Variants in PCDH7 observed in about 807,000 individuals in gnomAD.
The protein encoded by PCDH7 is protocadherin 7.
A neutral mutation model predicts 58.9 loss-of-function variants in PCDH7; 17 were observed. The ratio of observed to expected loss-of-function variants is 0.29; its 90% CI spans 0.20 to 0.43. PCDH7 has a LOEUF of 0.43. Ranked by LOEUF, PCDH7 falls within the 20% of genes least tolerant of loss-of-function variation. The pLI is 1.00. For synonymous variants in PCDH7, 664 were observed against 616.4 expected, an observed-to-expected ratio of 1.08 and a Z score of -1.14; for missense variants, 1,274 against 1,441.0, an observed-to-expected ratio of 0.88 and a Z score of 1.88.
chr4:30,794,667 G>T (rs575819105), intron 1 of PCDH7, among the ~76,000 whole-genome samples: 6 of 148,094 alleles, frequency 4.1e-5, no homozygotes, highest in South Asian at 4.4e-4. Context: ...AAATTCAAAG[G>T]CTCACTTTTT....
intron 3 of PCDH7, among the ~76,000 whole-genome samples, chr4:31,065,849 G>GA (rs541566992): frequency 8.0e-5 from 12 of 150,668 alleles, no homozygotes; most frequent in African/African-American, 1.2e-4. Flanking sequence ...TTGGAACCAG[G>GA]AAAAAAAAAT....
intron 1 of PCDH7, among the ~76,000 whole-genome samples, chr4:30,799,524 A>T (rs1725253988): frequency 6.6e-6 from 1 of 152,186 alleles, no homozygotes; most frequent in Non-Finnish European, 1.5e-5. Flanking sequence ...CATAAAATTT[A>T]TACAAAATCC....
chr4:31,037,031 A>T (rs535829184), intron 3 of PCDH7, among the ~76,000 whole-genome samples: 5 of 152,260 alleles, frequency 3.3e-5, no homozygotes, highest in African/African-American at 1.2e-4. Flanking sequence ...CGTCCCTCCC[A>T]TAGCACATGG....
rs572952088 is a variant in PCDH7 at position 31,023,985 on chromosome 4, C to T, written c.*7+73770C>T. ...ACAGCATAAAAGAAGCACTGTCAGA[C>T]GCTTTGGAGACCTTGATGTCCATTT... On this transcript the variant is annotated intron_variant, in intron 3 of 3. Coordinates refer to the PCDH7 transcript ENST00000509759. Among the ~76,000 whole-genome samples the T allele has an allele frequency of 3.3e-4, 50 of 152,236 alleles. 1 individual carries two copies. The highest frequency in any genetic ancestry group is 3.3e-4 in the Admixed American group (5 of 15,292).
chr4:30,827,015 A>G (rs1729177313), intron 1 of PCDH7, among the ~76,000 whole-genome samples: 1 of 152,126 alleles, frequency 6.6e-6, no homozygotes, highest in Admixed American at 6.6e-5. Context: ...TGCCTTTTGC[A>G]GTCAATGTGT....
intron 3 of PCDH7, among the ~76,000 whole-genome samples, chr4:30,966,210 A>G (rs1169998859): frequency 1.3e-5 from 2 of 152,208 alleles, no homozygotes; most frequent in Non-Finnish European, 2.9e-5. Flanking sequence ...TCCAATCAGC[A>G]TATATTATTG....
intron 1 of PCDH7, among the ~76,000 whole-genome samples, chr4:30,799,823 T>C (rs1170671218): frequency 6.6e-6 from 1 of 152,064 alleles, no homozygotes; most frequent in Non-Finnish European, 1.5e-5. Context: ...ATTCAAGATT[T>C]TCTCAATTCT....
intron 3 of PCDH7, among the ~76,000 whole-genome samples, chr4:31,140,396 C>T (rs1720101921): frequency 6.6e-6 from 1 of 151,724 alleles, no homozygotes; most frequent in Non-Finnish European, 1.5e-5. Flanking sequence ...ATAACAACCA[C>T]ATTCATAAAG....
chr4:30,752,783 C>CAAAAAAAAAAAAAAAAAAA (rs35860745), intron 1 of PCDH7, among the ~76,000 whole-genome samples: 15 of 99,468 alleles, frequency 1.5e-4, no homozygotes, highest in Admixed American at 3.4e-4. Flanking sequence ...CCTGTAGGGG[C>CAAAAAAAAAAAAAAAAAAA]AAAAAAAAAA....
chr4:30,884,274 C>T lies in PCDH7; in HGVS notation c.71-35879C>T, dbSNP rs554734405. Among the ~76,000 whole-genome samples, 4 of 152,108 alleles carry T rather than the reference C, an allele frequency of 2.6e-5. No individual in the cohort carries two copies. In the East Asian group the frequency reaches 7.8e-4, roughly 30 times the overall value. ...CTGATATTTTATAAACAGAAAAAAG[C>T]AGGAAGTATTTTGCACAAGGTTATG... On this transcript the variant is annotated intron_variant, in intron 1 of 3. Transcript: ENST00000509759.
intron 3 of PCDH7, among the ~76,000 whole-genome samples, chr4:31,021,833 G>C (rs1754043156): frequency 6.6e-6 from 1 of 152,136 alleles, no homozygotes; most frequent in African/African-American, 2.4e-5. Flanking sequence ...TGAGCATCTA[G>C]TGAGTTGCTA....
intron 1 of PCDH7, among the ~76,000 whole-genome samples, chr4:30,791,114 T>C (rs1006018256): frequency 6.6e-6 from 1 of 152,080 alleles, no homozygotes; most frequent in African/African-American, 2.4e-5. Context: ...CTAGATGGAA[T>C]GAGGAAAATG....
intron 1 of PCDH7, among the ~76,000 whole-genome samples, chr4:30,824,084 TTTC>T (rs1284860124): frequency 0.018 from 158 of 8,694 alleles, no homozygotes; most frequent in Middle Eastern, 0.062. Flanking sequence ...GTTTCTTTTC[TTTC>T]TTTCTTTCTT....
rs1192760901 is a variant in PCDH7, at chr4:30,723,198, G to A, written c.1776G>A (p.Leu592=). 3 of 1,614,158 alleles carry A rather than the reference G, an allele frequency of 1.9e-6. No individual in the cohort carries two copies. Among genetic ancestry groups the A allele is most frequent in the Non-Finnish European group, 2.5e-6 (3 of 1,180,042 alleles). Reference sequence around the variant, plus strand: ...TCGATCCCGATTCTGGGGACATCCTGGTCAATACCGTGCTGGACCGCGAGC... The same window carrying A: ...TCGATCCCGATTCTGGGGACATCCTAGTCAATACCGTGCTGGACCGCGAGC... Residue 592 remains leucine, a synonymous_variant, in exon 1 of 2, where the codon CTG becomes CTA. Transcript: ENST00000361762. The surrounding 1 kb of genome is among the most constrained non-coding windows in gnomAD (Gnocchi z 4.6).
intron 1 of PCDH7, among the ~76,000 whole-genome samples, chr4:30,840,969 T>G (rs1485585732): frequency 6.6e-6 from 1 of 152,064 alleles, no homozygotes; most frequent in Non-Finnish European, 1.5e-5. Flanking sequence ...ACCCAGTTTT[T>G]GGGAATTCCG....
chr4:30,857,526 G>T (rs1157094295), intron 1 of PCDH7, among the ~76,000 whole-genome samples: 5 of 152,072 alleles, frequency 3.3e-5, no homozygotes, highest in East Asian at 1.9e-4. Context: ...TGTAAGTAAA[G>T]CTCGTCTGGG....
intron 1 of PCDH7, among the ~76,000 whole-genome samples, chr4:30,801,886 A>G (rs972549650): frequency 1.3e-5 from 2 of 152,174 alleles, no homozygotes; most frequent in African/African-American, 4.8e-5. Context: ...TATGCTCACT[A>G]TTTAGATTCC....
At chr4:31,081,979 G>A (rs933752686) in intron 3 of PCDH7, among the ~76,000 whole-genome samples, 1 of 152,072 alleles carries the variant, frequency 6.6e-6, no homozygotes, top group South Asian at 2.1e-4. Flanking sequence ...CACCATGTTG[G>A]CCAGGCTGGT....
At chr4:30,801,277 G>A (rs1045004654) in intron 1 of PCDH7, among the ~76,000 whole-genome samples, 3 of 152,098 alleles carry the variant, frequency 2.0e-5, no homozygotes, top group Non-Finnish European at 4.4e-5. Context: ...AACATTAGGA[G>A]GAAAGAATTA....
Sources: allele counts gnomAD v4.1 joint callset (sites outside exome capture counted in the v4.1 genomes callset), GRCh38; gene constraint gnomAD v4.1.1; non-coding constraint Gnocchi (gnomAD v3.1); transcripts MANE v1.5; gene names NCBI Gene and HGNC (gene_info 2026-07-23, HGNC 2026-07-21).